The following GPR158 variants were observed in gnomAD, a reference collection of about 807,000 sequenced individuals.
GPR158 encodes the protein metabotropic glycine receptor.
In GPR158, 30 loss-of-function variants were observed where a neutral mutation model predicts 78.2. The observed-to-expected ratio is 0.38, with a 90% CI of 0.29 to 0.52. The LOEUF is 0.52. Among genes scored for constraint, GPR158 ranks in the 20% least tolerant of loss-of-function variants. The pLI, the probability that GPR158 is intolerant of heterozygous loss-of-function variation, is 0.83. For missense variants in GPR158, 1,463 were observed against 1,523.5 expected (o/e 0.96, Z 0.66); for synonymous variants, 581 against 591.1 (o/e 0.98, Z 0.25).
At chr10:25,286,728 A>G (rs886575815) in intron 2 of GPR158, among the ~76,000 whole-genome samples, 5 of 151,986 alleles carry the variant, frequency 3.3e-5, no homozygotes, top group African/African-American at 9.7e-5. Context: ...GCCTTTCCTT[A>G]TGTTAAGCTT....
rs142254555 is a variant in GPR158 at position 25,197,851 on chromosome 10, A to T, written c.902+21529A>T. Among the ~76,000 whole-genome samples, 238 of 152,312 alleles carry T rather than the reference A, an allele frequency of 1.6e-3. 1 individual carries two copies. The highest frequency in any genetic ancestry group is 5.6e-3 in the African/African-American group (233 of 41,566). On this transcript the variant is annotated intron_variant, in intron 1 of 10. Transcript: ENST00000376351. ...TTGAATTAAACAAGTCAATAATAGA[A>T]GTGACCTCCTTGCACTGGGTTCCCT... is the stretch of plus-strand genomic sequence containing the variant.
chr10:25,282,315 C>G (rs888342251), intron 2 of GPR158, among the ~76,000 whole-genome samples: 1 of 152,092 alleles, frequency 6.6e-6, no homozygotes, highest in African/African-American at 2.4e-5. Flanking sequence ...TAGTTTGTTT[C>G]TTGTTATTGC....
rs764154987 is a variant in GPR158 at position 25,594,263 on chromosome 10, ATTG to A, written c.1893-26_1893-24del. 8.6e-6 allele frequency: 9 copies of A among 1,046,834 alleles called. No individual in the cohort carries two copies. In the East Asian group the frequency reaches 2.1e-4, roughly 25 times the overall value. 64.8% of individuals were successfully genotyped at this position (1,046,834 alleles called of 1,614,324 possible). ...GTTCTAAGTAGAATCTTAATCTTGGATTGTTAACTCAATGAATTCTCATTTCAG... is the reference window on the plus strand; with the variant it reads ...GTTCTAAGTAGAATCTTAATCTTGGATTAACTCAATGAATTCTCATTTCAG... On this transcript the variant is annotated intron_variant, in intron 8 of 10. Coordinates refer to ENST00000376351, the MANE Select transcript of GPR158 (RefSeq NM_020752.3).
intron 5 of GPR158, among the ~76,000 whole-genome samples, chr10:25,482,427 C>T (rs1452032996): frequency 6.6e-6 from 1 of 152,096 alleles, no homozygotes; most frequent in Non-Finnish European, 1.5e-5. Context: ...ATGTAATCCT[C>T]TCACCTCATC....
At chr10:25,498,416 G>A (rs1368692996) in intron 5 of GPR158, among the ~76,000 whole-genome samples, 2 of 152,172 alleles carry the variant, frequency 1.3e-5, no homozygotes, top group Non-Finnish European at 2.9e-5. Flanking sequence ...CACATTGGAA[G>A]CATCTAAGAC....
chr10:25,490,432 TCCCTCCC>T (rs1168310084), intron 5 of GPR158, among the ~76,000 whole-genome samples: 2 of 85,446 alleles, frequency 2.3e-5, no homozygotes, highest in Non-Finnish European at 4.7e-5. Context: ...CCCAATGCTA[TCCCTCCC>T]CCCTCCCCCC....
At chr10:25,544,663 G>T (rs1836637030) in intron 5 of GPR158, among the ~76,000 whole-genome samples, 1 of 151,914 alleles carries the variant, frequency 6.6e-6, no homozygotes, top group Non-Finnish European at 1.5e-5. Context: ...TTGTCACTGA[G>T]ATTTCAAAAG....
chr10:25,240,423 C>T (rs1254602017), intron 2 of GPR158, among the ~76,000 whole-genome samples: 3 of 152,148 alleles, frequency 2.0e-5, no homozygotes, highest in Non-Finnish European at 2.9e-5. Flanking sequence ...GCAGGAGAAT[C>T]GCTTGAACCC....
rs1588866173 is a variant in GPR158, at chr10:25,441,970, A to G, written c.1336-24681A>G. 2.6e-5 allele frequency among the ~76,000 whole-genome samples: 4 copies of G among 152,174 alleles called. No individual in the cohort carries two copies. The East Asian group carries it at 7.7e-4, about 29-fold the overall frequency. On this transcript the variant is annotated intron_variant, in intron 4 of 10. Coordinates refer to ENST00000376351, the MANE Select transcript of GPR158 (RefSeq NM_020752.3). The stretch of plus-strand genomic sequence containing the variant: ...GGAGAGTTTAAGGGCGTTTGAAACT[A>G]TTCAGGATTCTCCCAGTGAAATTAA...
intron 2 of GPR158, among the ~76,000 whole-genome samples, chr10:25,370,056 C>A (rs1267545621): frequency 7.0e-6 from 1 of 143,564 alleles, no homozygotes; most frequent in South Asian, 2.3e-4. Flanking sequence ...ATTCTTCTCT[C>A]TTTTTTTCTT....
At chr10:25,200,317 T>C (rs1348724711) in intron 1 of GPR158, among the ~76,000 whole-genome samples, 1 of 152,172 alleles carries the variant, frequency 6.6e-6, no homozygotes, top group Non-Finnish European at 1.5e-5. Flanking sequence ...TATCTTCTTT[T>C]GAAAAGTGTC....
At chr10:25,202,746 G>A (rs753905761) in intron 1 of GPR158, among the ~76,000 whole-genome samples, 2 of 152,112 alleles carry the variant, frequency 1.3e-5, no homozygotes, top group Non-Finnish European at 1.5e-5. Context: ...GCAGCATGAT[G>A]TATAATCCTT....
intron 2 of GPR158, among the ~76,000 whole-genome samples, chr10:25,342,113 G>C (rs1274180263): frequency 1.3e-5 from 2 of 151,712 alleles, no homozygotes; most frequent in East Asian, 3.9e-4. Context: ...TTTGTTCCTT[G>C]GTTATTTAAC....
chr10:25,433,548 T>G (rs1258250357), intron 4 of GPR158, among the ~76,000 whole-genome samples: 2 of 55,042 alleles, frequency 3.6e-5, no homozygotes, highest in East Asian at 5.0e-4. Flanking sequence ...GTGTGTGTGT[T>G]GTGTGTGTGT....
At chr10:25,360,889 C>A (rs904707120) in intron 2 of GPR158, among the ~76,000 whole-genome samples, 2 of 152,018 alleles carry the variant, frequency 1.3e-5, no homozygotes, top group African/African-American at 4.8e-5. Context: ...TCTTCCTATC[C>A]ATGAGCATGG....
At position 25,598,410 on chromosome 10, in the gene GPR158, C is replaced by T. The variant is rs1837441908; in HGVS notation, c.2784C>T (p.Arg928=). 1 of 1,613,940 alleles carries T rather than the reference C, an allele frequency of 6.2e-7. No homozygotes were observed. Among genetic ancestry groups the T allele is most frequent in the African/African-American group, 1.3e-5 (1 of 74,892 alleles). Residue 928 remains arginine (R), a synonymous_variant, in exon 11 of 11, where the codon CGC becomes CGT. Transcript: ENST00000376351. The part of the protein sequence containing the change: ...GKTQTAGVEE[R]TKSQKPLPKD... ...CCCAAACAGCAGGTGTGGAAGAACG[C>T]ACTAAATCCCAGAAACCTTTGCCAA...
intron 2 of GPR158, among the ~76,000 whole-genome samples, chr10:25,361,024 T>A (rs1407200859): frequency 6.6e-6 from 1 of 151,844 alleles, no homozygotes; most frequent in African/African-American, 2.4e-5. Flanking sequence ...GTGAAACAGA[T>A]CTTCAGAACA....
intron 5 of GPR158, among the ~76,000 whole-genome samples, chr10:25,506,011 T>G (rs1049704270): frequency 6.6e-6 from 1 of 152,128 alleles, no homozygotes; most frequent in Admixed American, 6.5e-5. Flanking sequence ...TAGCTTTCTT[T>G]GTGGTCCAAC....
At chr10:25,466,981 T>C (rs1267453304) in intron 5 of GPR158, among the ~76,000 whole-genome samples, 1 of 152,152 alleles carries the variant, frequency 6.6e-6, no homozygotes, top group Non-Finnish European at 1.5e-5. Context: ...GAGCCAAATA[T>C]GAGTGACCAT....
Sources: gnomAD v4.1 joint callset for allele counts (sites outside exome capture counted in the v4.1 genomes callset) on GRCh38, gnomAD v4.1.1 for gene constraint, MANE v1.5 for transcripts, NCBI Gene and HGNC (gene_info 2026-07-23, HGNC 2026-07-21) for gene names.